The following CLIP1 variants were observed in gnomAD, a reference collection of about 807,000 sequenced individuals.
CLIP1 encodes CAP-Gly domain containing linker protein 1.
A neutral mutation model predicts 161.6 loss-of-function variants in CLIP1; 66 were observed. That is an observed-to-expected ratio of 0.41 (90% CI 0.33 to 0.50). The LOEUF is 0.50. CLIP1 is among the 20% of genes least tolerant of loss of function. The pLI is 0.27. For missense variants in CLIP1, 1,376 were observed against 1,702.0 expected, an observed-to-expected ratio of 0.81 and a Z score of 3.37; for synonymous variants, 598 against 626.2, an observed-to-expected ratio of 0.96 and a Z score of 0.67.
chr12:122,307,761 C>T (rs1031949732), intron 20 of CLIP1, among the ~76,000 whole-genome samples: 40 of 152,180 alleles, frequency 2.6e-4, no homozygotes, highest in Non-Finnish European at 2.2e-4. Context: ...TTACTTTAAA[C>T]GGGTGGCTCA....
In CLIP1 at chr12:122,272,561, G is replaced by T. The variant is rs1231502259; in HGVS notation, c.*314C>A. 1 of 258,672 alleles carries T rather than the reference G, an allele frequency of 3.9e-6. No individual in the cohort carries two copies. Among genetic ancestry groups the T allele is most frequent in the Non-Finnish European group, 7.4e-6 (1 of 134,284 alleles). The allele number at this position is 258,672 out of a possible 1,614,324, so 16.0% of individuals were successfully genotyped here. A position where few individuals can be genotyped will look rare whatever the true frequency, so the allele number is the denominator to read the frequency against. On this transcript the variant is annotated 3_prime_UTR_variant, in exon 26 of 26. Coordinates refer to ENST00000620786, the MANE Select transcript of CLIP1 (RefSeq NM_001247997.2). The stretch of plus-strand genomic sequence containing the variant: ...CATAATTTAAAGTTACTTAAATAAG[G>T]TATTGTGAGGGTAGGGGTTTTTCTA...
intron 3 of CLIP1, among the ~76,000 whole-genome samples, chr12:122,368,032 C>A (rs1216980149): frequency 5.3e-5 from 8 of 152,058 alleles, no homozygotes; most frequent in African/African-American, 1.4e-4. Flanking sequence ...CAAACAAGCC[C>A]AATTCGTTCT....
At chr12:122,303,889 A>C (rs1054849044) in intron 20 of CLIP1, among the ~76,000 whole-genome samples, 2 of 152,158 alleles carry the variant, frequency 1.3e-5, no homozygotes, top group Admixed American at 1.3e-4. Flanking sequence ...GCGATGCTTG[A>C]GGTACAATAG....
At chr12:122,276,862 T>C (rs372925618) in intron 24 of CLIP1, 2 of 170,194 alleles carry the variant, frequency 1.2e-5, no homozygotes, top group African/African-American at 4.8e-5. Flanking sequence ...GGAGTGCCCA[T>C]GTTGCGCAGG....
intron 1 of CLIP1, among the ~76,000 whole-genome samples, chr12:122,389,783 A>AG: frequency 6.9e-6 from 1 of 145,230 alleles, no homozygotes; most frequent in Admixed American, 6.9e-5. Flanking sequence ...AAAAAAAAAA[A>AG]GAATTTATAA....
intron 11 of CLIP1, among the ~76,000 whole-genome samples, chr12:122,339,852 T>C (rs1952412697): frequency 6.6e-6 from 1 of 152,220 alleles, no homozygotes; most frequent in African/African-American, 2.4e-5. Flanking sequence ...ATTGTTCCTA[T>C]ACTATAAACC....
chr12:122,288,508 A>G lies in CLIP1; in HGVS notation c.3628T>C (p.Leu1210=), dbSNP rs371472794. 1.2e-6 allele frequency: 2 copies of G among 1,608,054 alleles called. No individual in the cohort carries two copies. Among genetic ancestry groups the G allele is most frequent in the African/African-American group, 2.7e-5 (2 of 74,870 alleles). Residue 1210 remains leucine (L), a synonymous_variant, in exon 21 of 26, where the codon TTG becomes CTG. Transcript: ENST00000620786. ...GCTTACCTTTTTTTCATTTCTAACA[A>G]CTGATTATTGAGCACAGATCTTTCT... ...EEERSVLNNQ[L]LEMKKRESKF...
intron 1 of CLIP1, among the ~76,000 whole-genome samples, chr12:122,413,342 G>A (rs1468131617): frequency 6.6e-6 from 1 of 152,120 alleles, no homozygotes; most frequent in Non-Finnish European, 1.5e-5. Flanking sequence ...GGGGGAAAAA[G>A]ACTTATTATA....
At chr12:122,338,609 C>T (rs1593105113) in intron 11 of CLIP1, among the ~76,000 whole-genome samples, 2 of 151,654 alleles carry the variant, frequency 1.3e-5, no homozygotes, top group East Asian at 2.0e-4. Flanking sequence ...CCTGGCTACT[C>T]GGGAGGCTGA....
chr12:122,345,318 A>G (rs1952694193), intron 10 of CLIP1, among the ~76,000 whole-genome samples: 2 of 119,726 alleles, frequency 1.7e-5, no homozygotes, highest in East Asian at 4.3e-4. Flanking sequence ...CACCACACCC[A>G]GCTAATTTTT....
Position 122,330,598 on chromosome 12 carries a change from T to TTTTTTTTTTTTTGTTTTTTTTG in CLIP1, c.2868-2173_2868-2172insCAAAAAAAACAAAAAAAAAAAA, listed in dbSNP as rs1951905416. Among the ~76,000 whole-genome samples the TTTTTTTTTTTTTGTTTTTTTTG allele has an allele frequency of 1.6e-3, 22 of 14,120 alleles. No individual in the cohort carries two copies. In the South Asian group the frequency reaches 0.037, roughly 24 times the overall value. The allele number at this position is 14,120 out of a possible 152,430, so 9.3% of individuals were successfully genotyped here. On this transcript the variant is annotated intron_variant, in intron 15 of 25. Coordinates refer to ENST00000620786, the MANE Select transcript of CLIP1 (RefSeq NM_001247997.2). The stretch of plus-strand genomic sequence containing the variant: ...TCAGCACTGAAGAAGTATAATGCAG[T>TTTTTTTTTTTTTGTTTTTTTTG]TTTTTTTTTTTTTTTTTTTGAGATG...
In CLIP1 at chr12:122,355,371, C is replaced by A. The variant is rs114565074; in HGVS notation, c.1006-59G>T. Reference sequence around the variant, plus strand: ...GATGCTGTCAGAAAAGCGAGGGAGGCGCGATGCATGCATGGCGGGCATCTG... The same window carrying A: ...GATGCTGTCAGAAAAGCGAGGGAGGAGCGATGCATGCATGGCGGGCATCTG... On this transcript the variant is annotated intron_variant, in intron 5 of 25. Transcript: ENST00000620786. This position sits in a 1 kb window ranked among gnomAD's most constrained non-coding sequence, Gnocchi z 4.1. 6.7e-7 allele frequency: 1 copy of A among 1,486,204 alleles called. No individual in the cohort carries two copies. The highest frequency in any genetic ancestry group is 9.3e-7 in the Non-Finnish European group (1 of 1,074,066). 92.1% of individuals were successfully genotyped at this position (1,486,204 alleles called of 1,614,324 possible). A position where few individuals can be genotyped will look rare whatever the true frequency, so the allele number is the denominator to read the frequency against.
chr12:122,407,146 T>C (rs1337378997), intron 1 of CLIP1, among the ~76,000 whole-genome samples: 1 of 152,156 alleles, frequency 6.6e-6, no homozygotes, highest in Non-Finnish European at 1.5e-5. Flanking sequence ...TCAATTATAC[T>C]AACGTGTAAA....
intron 1 of CLIP1, among the ~76,000 whole-genome samples, chr12:122,420,294 G>A (rs561410366): frequency 6.6e-6 from 1 of 151,352 alleles, no homozygotes; most frequent in African/African-American, 2.4e-5. Flanking sequence ...GCAGTGAGCC[G>A]AGATCACTCC....
chr12:122,365,237 A>G, intron 3 of CLIP1: 1 of 525,848 alleles, frequency 1.9e-6, no homozygotes. Flanking sequence ...AAGTATAATA[A>G]TAATAAAATA....
At chr12:122,313,079 C>T (rs1391788942) in intron 19 of CLIP1, among the ~76,000 whole-genome samples, 1 of 152,196 alleles carries the variant, frequency 6.6e-6, no homozygotes, top group Non-Finnish European at 1.5e-5. Context: ...CAACCTACTC[C>T]CCATACCTCC....
chr12:122,301,611 T>C (rs375311125), intron 20 of CLIP1, among the ~76,000 whole-genome samples: 1 of 152,052 alleles, frequency 6.6e-6, no homozygotes, highest in South Asian at 2.1e-4. Context: ...GAGGCGGAGG[T>C]TGCAGTGAGC....
At chr12:122,395,316 GT>G (rs1955870612) in intron 1 of CLIP1, 1 of 152,228 alleles carries the variant, frequency 6.6e-6, no homozygotes, top group East Asian at 1.9e-4. Context: ...AGAGGGCCTG[GT>G]GTCAATGTCT....
chr12:122,287,390 A>G (rs1955902524), intron 21 of CLIP1, among the ~76,000 whole-genome samples: 1 of 152,192 alleles, frequency 6.6e-6, no homozygotes. Flanking sequence ...ACGAGTGGGA[A>G]TAATACTTCA....
Sources: allele counts gnomAD v4.1 joint callset (sites outside exome capture counted in the v4.1 genomes callset), GRCh38; gene constraint gnomAD v4.1.1; non-coding constraint Gnocchi (gnomAD v3.1); transcripts MANE v1.5; gene names NCBI Gene and HGNC (gene_info 2026-07-23, HGNC 2026-07-21).